ASIC2: variants seen among roughly 807,000 people sequenced by gnomAD.
ASIC2 encodes the protein acid sensing ion channel subunit 2.
ASIC2 carries 25 observed loss-of-function variants against 57.3 expected under a neutral mutation model. That is an observed-to-expected ratio of 0.44 (90% CI 0.32 to 0.61). The LOEUF is 0.61. ASIC2 is among the 20% of genes least tolerant of loss of function. The pLI is 0.06. For synonymous variants in ASIC2, 319 were observed against 307.5 expected, an observed-to-expected ratio of 1.04 and a Z score of -0.39; for missense variants, 641 against 738.1, an observed-to-expected ratio of 0.87 and a Z score of 1.52.
chr17:33,501,006 C>G (rs1227900734), intron 1 of ASIC2, among the ~76,000 whole-genome samples: 1 of 152,220 alleles, frequency 6.6e-6, no homozygotes, highest in African/African-American at 2.4e-5. Flanking sequence ...AACGCAGTGT[C>G]CTGGATGAGA....
intron 1 of ASIC2, among the ~76,000 whole-genome samples, chr17:33,373,933 C>G (rs1909180551): frequency 6.6e-6 from 1 of 152,102 alleles, no homozygotes. Context: ...CCATCTTGGC[C>G]TCCAAAAGTG....
chr17:33,451,423 A>C (rs1597732305), intron 1 of ASIC2, among the ~76,000 whole-genome samples: 1 of 151,876 alleles, frequency 6.6e-6, no homozygotes, highest in East Asian at 1.9e-4. Flanking sequence ...AACACGCCAA[A>C]AGTTTGACCT....
At chr17:33,461,674 T>A (rs76970966) in intron 1 of ASIC2, among the ~76,000 whole-genome samples, 1,748 of 152,264 alleles carry the variant, frequency 0.011, 19 homozygotes, top group Non-Finnish European at 0.018. Flanking sequence ...CTCTAGAATC[T>A]CTTGTTAAGT....
At chr17:33,431,401 G>A (rs1199306974) in intron 1 of ASIC2, among the ~76,000 whole-genome samples, 1 of 152,116 alleles carries the variant, frequency 6.6e-6, no homozygotes, top group East Asian at 1.9e-4. Flanking sequence ...GAGCTCAGGA[G>A]TTTGAGAACA....
intron 1 of ASIC2, among the ~76,000 whole-genome samples, chr17:33,124,954 CACA>C (rs1367344226): frequency 0.037 from 1,123 of 29,960 alleles, 12 homozygotes; most frequent in African/African-American, 0.15. Context: ...ATGCACAGTT[CACA>C]ATAGGGTTCA....
At chr17:33,017,345 C>T (rs1278219652) in intron 8 of ASIC2, among the ~76,000 whole-genome samples, 1 of 152,214 alleles carries the variant, frequency 6.6e-6, no homozygotes, top group Non-Finnish European at 1.5e-5. Context: ...TCCTTCCCTG[C>T]CAGTGTAGAT....
chr17:34,065,218 C>T (rs1909126161), intron 1 of ASIC2, among the ~76,000 whole-genome samples: 1 of 152,300 alleles, frequency 6.6e-6, no homozygotes, highest in East Asian at 1.9e-4. Context: ...GAATTAACAG[C>T]ACTTGTAGTA....
chr17:33,262,055 G>T (rs1909305577), intron 1 of ASIC2, among the ~76,000 whole-genome samples: 1 of 152,222 alleles, frequency 6.6e-6, no homozygotes, highest in Admixed American at 6.5e-5. Flanking sequence ...CGGGTTGTCA[G>T]GCTGGGGACT....
chr17:33,326,889 T>C (rs965853999), intron 1 of ASIC2, among the ~76,000 whole-genome samples: 3 of 137,468 alleles, frequency 2.2e-5, no homozygotes, highest in African/African-American at 5.4e-5. Context: ...TCCCATTCCC[T>C]TCTTCCAGAC....
chr17:34,070,537 C>A (rs1909359545), intron 1 of ASIC2: 1 of 152,146 alleles, frequency 6.6e-6, no homozygotes, highest in South Asian at 2.1e-4. Context: ...GGAAAAGTTT[C>A]CAAGTCTCTA....
chr17:33,665,629 T>C (rs1441840825), intron 1 of ASIC2, among the ~76,000 whole-genome samples: 4 of 152,226 alleles, frequency 2.6e-5, no homozygotes, highest in African/African-American at 9.6e-5. Flanking sequence ...TGCTTAAGTG[T>C]GCTCTCAGAA....
intron 1 of ASIC2, among the ~76,000 whole-genome samples, chr17:33,551,051 A>C (rs184697956): frequency 4.4e-4 from 67 of 152,312 alleles, no homozygotes; most frequent in African/African-American, 1.5e-3. Context: ...TATGCCTAGA[A>C]AATAAATAAT....
At chr17:33,298,127 A>G (rs1905797607), upstream of ASIC2, among the ~76,000 whole-genome samples, 1 of 151,088 alleles carries the variant, frequency 6.6e-6, no homozygotes, top group Non-Finnish European at 1.5e-5. Context: ...TTATTTATTT[A>G]TATTATACTT....
chr17:33,016,844 G>A lies in ASIC2; in HGVS notation c.1521+761C>T, dbSNP rs191516377. On this transcript the variant is annotated intron_variant, in intron 8 of 9. Transcript: ENST00000225823. Reference sequence around the variant, plus strand: ...ATTGCCATTTTCAGGGGCACACATTGGAGGTGAAGTGCATTGCCCATCTCA... The same window carrying A: ...ATTGCCATTTTCAGGGGCACACATTAGAGGTGAAGTGCATTGCCCATCTCA... Among the ~76,000 whole-genome samples, 866 of 152,256 alleles carry A rather than the reference G, an allele frequency of 5.7e-3. 3 individuals carry two copies. The highest frequency in any genetic ancestry group is 0.01 in the Middle Eastern group (3 of 294).
At chr17:34,078,711 A>G (rs1357068746) in intron 1 of ASIC2, among the ~76,000 whole-genome samples, 1 of 152,128 alleles carries the variant, frequency 6.6e-6, no homozygotes, top group Non-Finnish European at 1.5e-5. Flanking sequence ...TAAGTGCAGG[A>G]GCTCAGTCCT....
chr17:33,280,475 A>G (rs1904896874), intron 1 of ASIC2, among the ~76,000 whole-genome samples: 1 of 152,192 alleles, frequency 6.6e-6, no homozygotes, highest in Non-Finnish European at 1.5e-5. Context: ...ATACAAACAT[A>G]GAGCTGGGAA....
At chr17:34,150,326 A>G (rs1904468173) in intron 1 of ASIC2, among the ~76,000 whole-genome samples, 2 of 152,198 alleles carry the variant, frequency 1.3e-5, no homozygotes. Context: ...ATTGTACATC[A>G]TAATGCCTAG....
At chr17:33,778,671 C>T (rs78599465) in intron 1 of ASIC2, among the ~76,000 whole-genome samples, 1 of 152,168 alleles carries the variant, frequency 6.6e-6, no homozygotes, top group Non-Finnish European at 1.5e-5. Flanking sequence ...TTCTTCACTT[C>T]TCTACTGGGT....
In ASIC2 at chr17:33,292,276, C is replaced by T. The variant is rs946915960; in HGVS notation, c.-161G>A. 2.6e-5 allele frequency: 26 copies of T among 989,892 alleles called. No individual in the cohort carries two copies. The highest frequency in any genetic ancestry group is 3.5e-5 in the African/African-American group (2 of 57,028). The allele number at this position is 989,892 out of a possible 1,614,324, so 61.3% of individuals were successfully genotyped here. On this transcript the variant is annotated 5_prime_UTR_variant, in exon 1 of 10. Coordinates refer to ENST00000225823, the MANE Select transcript of ASIC2 (RefSeq NM_183377.2). Reference sequence around the variant, plus strand: ...GAGCTCCGGTGGCGCGGCATGCCCGCCCGGCGCCGCCGCTGCCGCCTCCGC... The same window carrying T: ...GAGCTCCGGTGGCGCGGCATGCCCGTCCGGCGCCGCCGCTGCCGCCTCCGC...
Sources: allele counts gnomAD v4.1 joint callset (sites outside exome capture counted in the v4.1 genomes callset), GRCh38; gene constraint gnomAD v4.1.1; transcripts MANE v1.5; gene names NCBI Gene and HGNC (gene_info 2026-07-23, HGNC 2026-07-21).